LYPD6B: variants seen among roughly 807,000 people sequenced by gnomAD.
LYPD6B encodes ly6/PLAUR domain-containing protein 6B.
In LYPD6B, 17 loss-of-function variants were observed where a neutral mutation model predicts 22.8. That is an observed-to-expected ratio of 0.75 (90% CI 0.51 to 1.12). The LOEUF is 1.12. Among genes scored for constraint, LYPD6B ranks in the 50% most tolerant of loss-of-function variants. The probability of loss-of-function intolerance (pLI) is 0.00; values close to 1 mark genes in which losing one functional copy is unlikely to be tolerated. For synonymous variants in LYPD6B, 106 were observed against 91.6 expected, an observed-to-expected ratio of 1.16 and a Z score of -0.90; for missense variants, 221 against 258.3, an observed-to-expected ratio of 0.86 and a Z score of 0.99.
intron 3 of LYPD6B, among the ~76,000 whole-genome samples, chr2:149,179,596 A>AT (rs1691564375): frequency 6.6e-6 from 1 of 152,102 alleles, no homozygotes; most frequent in Non-Finnish European, 1.5e-5. Flanking sequence ...TTGATTTATT[A>AT]TTTTTTAAAC....
chr2:149,046,125 C>G (rs1401795975), intron 1 of LYPD6B, among the ~76,000 whole-genome samples: 2 of 151,986 alleles, frequency 1.3e-5, no homozygotes, highest in Non-Finnish European at 2.9e-5. Context: ...CATCTTGATC[C>G]CTTTCTTATT....
At chr2:149,074,808 A>G (rs1225445293) in intron 1 of LYPD6B, among the ~76,000 whole-genome samples, 1 of 132,166 alleles carries the variant, frequency 7.6e-6, no homozygotes, top group African/African-American at 2.7e-5. Flanking sequence ...TAAAAGTTTA[A>G]AATACAATTT....
intron 3 of LYPD6B, among the ~76,000 whole-genome samples, chr2:149,168,211 CA>C (rs386391472): frequency 0.025 from 1,195 of 48,476 alleles, 2 homozygotes; most frequent in African/African-American, 0.053. Flanking sequence ...GGCTCTGTCT[CA>C]AAAAAAAAAA....
chr2:149,123,956 A>T (rs184884478), intron 1 of LYPD6B, among the ~76,000 whole-genome samples: 1 of 152,324 alleles, frequency 6.6e-6, no homozygotes, highest in East Asian at 1.9e-4. Flanking sequence ...AGCAGCACAT[A>T]TTTAGGAAAT....
chr2:149,064,002 A>G (rs1467459204), intron 1 of LYPD6B, among the ~76,000 whole-genome samples: 1 of 152,270 alleles, frequency 6.6e-6, no homozygotes, highest in Non-Finnish European at 1.5e-5. Flanking sequence ...GGCAAGGGCC[A>G]TAGCAGATAG....
intron 3 of LYPD6B, among the ~76,000 whole-genome samples, chr2:149,189,342 T>TTTTATATATATATATA (rs1553500263): frequency 1.5e-5 from 1 of 66,096 alleles, no homozygotes; most frequent in African/African-American, 6.1e-5. Flanking sequence ...TTGTCCAAAA[T>TTTTATATATATATATA]TATATATATA....
At chr2:149,169,380 G>A (rs1364479605) in intron 3 of LYPD6B, among the ~76,000 whole-genome samples, 1 of 152,214 alleles carries the variant, frequency 6.6e-6, no homozygotes, top group Non-Finnish European at 1.5e-5. Flanking sequence ...ACAGGAGGAA[G>A]TGTTACTCTG....
rs1215038105 is a variant in LYPD6B at position 149,173,189 on chromosome 2, T to TAA, written c.77+12360_77+12361dup. Among the ~76,000 whole-genome samples, 1,334 of 144,192 alleles carry TAA rather than the reference T, an allele frequency of 9.3e-3. 6 individuals carry two copies. Among genetic ancestry groups the TAA allele is most frequent in the South Asian group, 0.013 (58 of 4,614 alleles). 94.6% of individuals were successfully genotyped at this position (144,192 alleles called of 152,430 possible). A position where few individuals can be genotyped will look rare whatever the true frequency, so the allele number is the denominator to read the frequency against. On this transcript the variant is annotated intron_variant, in intron 3 of 6. Transcript: ENST00000409642. ...AGCACTATTACTGTGTTTTTTTTTT[T>TAA]AAAAAAAGACATGGTGTTTGTAATT...
intron 2 of LYPD6B, among the ~76,000 whole-genome samples, chr2:149,153,645 C>T (rs1027159999): frequency 2.6e-5 from 4 of 151,930 alleles, no homozygotes; most frequent in East Asian, 3.9e-4. Flanking sequence ...CATGATGGTG[C>T]GTTCCTGTAG....
intron 5 of LYPD6B, among the ~76,000 whole-genome samples, chr2:149,212,766 T>C (rs1231303846): frequency 6.6e-6 from 1 of 152,162 alleles, no homozygotes; most frequent in Admixed American, 6.5e-5. Flanking sequence ...TGAGCGCCCA[T>C]TTACGTTCAT....
intron 3 of LYPD6B, among the ~76,000 whole-genome samples, chr2:149,187,269 A>G (rs6719954): frequency 0.83 from 126,506 of 152,156 alleles, 54,233 homozygotes; most frequent in South Asian, 0.97. Flanking sequence ...GGTAATTTCC[A>G]GAAACATGTT....
At chr2:149,178,933 G>A (rs79117120) in intron 3 of LYPD6B, among the ~76,000 whole-genome samples, 491 of 152,322 alleles carry the variant, frequency 3.2e-3, no homozygotes, top group African/African-American at 0.01. Context: ...AAGAATAAAA[G>A]TATATATCAA....
chr2:149,146,015 C>T (rs1468673361), intron 2 of LYPD6B, among the ~76,000 whole-genome samples: 2 of 152,168 alleles, frequency 1.3e-5, no homozygotes, highest in Non-Finnish European at 2.9e-5. Flanking sequence ...GGGAAGAAGA[C>T]AGTTCTGCTG....
intron 1 of LYPD6B, among the ~76,000 whole-genome samples, chr2:149,130,502 A>G (rs1353285998): frequency 2.0e-5 from 3 of 152,222 alleles, no homozygotes; most frequent in South Asian, 4.1e-4. Flanking sequence ...TTGAAGATGC[A>G]TGTTCACAAC....
rs145497710 is a variant in LYPD6B, at chr2:149,205,334, C to T, written c.159C>T (p.Ile53=). 8.1e-5 allele frequency: 130 copies of T among 1,613,978 alleles called. No homozygotes were observed. Among genetic ancestry groups the T allele is most frequent in the Non-Finnish European group, 1.0e-4 (122 of 1,179,854 alleles). Residue 53 remains isoleucine (I), a synonymous_variant, in exon 4 of 7, where the codon ATC becomes ATT. Coordinates refer to ENST00000409642, the MANE Select transcript of LYPD6B (RefSeq NM_177964.5). ...CTCTCGCTATAGCTGTTGTCCAGAT[C>T]GTTATCTTCTCAGAAAGCTGGGCAT... ...CHALAIAVVQ[I]VIFSESWAFA...
At chr2:149,181,504 GA>G (rs1442727258) in intron 3 of LYPD6B, among the ~76,000 whole-genome samples, 2 of 152,112 alleles carry the variant, frequency 1.3e-5, no homozygotes, top group Non-Finnish European at 2.9e-5. Flanking sequence ...CTGGATTCCA[GA>G]AACCCAGACT....
chr2:149,098,627 CAAAAAA>C lies in LYPD6B; in HGVS notation c.-66-32239_-66-32234del, dbSNP rs1285429577. Among the ~76,000 whole-genome samples the C allele has an allele frequency of 3.6e-5, 3 of 83,486 alleles. No homozygotes were observed. In the East Asian group the frequency reaches 9.9e-4, roughly 28 times the overall value. 54.8% of individuals were successfully genotyped at this position (83,486 alleles called of 152,430 possible). On this transcript the variant is annotated intron_variant, in intron 1 of 6. Coordinates refer to ENST00000409642, the MANE Select transcript of LYPD6B (RefSeq NM_177964.5). ...GGGTGACAAGAGTGAAACTCTGTCT[CAAAAAA>C]AAAAAAAAAAAAAAAAGAAAAAAAT...
At chr2:149,171,131 AT>A (rs1690787262) in intron 3 of LYPD6B, among the ~76,000 whole-genome samples, 2 of 152,304 alleles carry the variant, frequency 1.3e-5, no homozygotes, top group South Asian at 2.1e-4. Flanking sequence ...GGACTCTCAG[AT>A]AAGGCCTGAA....
At chr2:149,188,755 TA>T in intron 3 of LYPD6B, 1 of 841,826 alleles carries the variant, frequency 1.2e-6, no homozygotes, top group Non-Finnish European at 1.4e-6. Context: ...TACTTACCTC[TA>T]AGATGTTTCA....
Sources: gnomAD v4.1 joint callset for allele counts (sites outside exome capture counted in the v4.1 genomes callset) on GRCh38, gnomAD v4.1.1 for gene constraint, MANE v1.5 for transcripts, NCBI Gene and HGNC (gene_info 2026-07-23, HGNC 2026-07-21) for gene names.